TBC1D9: variants seen among roughly 807,000 people sequenced by gnomAD.
TBC1D9 encodes TBC1 domain family member 9.
TBC1D9 carries 63 observed loss-of-function variants against 132.0 expected under a neutral mutation model. The observed-to-expected ratio is 0.48, with a 90% CI of 0.39 to 0.59. TBC1D9 has a LOEUF of 0.59. Ranked by LOEUF, TBC1D9 falls within the 20% of genes least tolerant of loss-of-function variation. The pLI is 0.00. For synonymous variants in TBC1D9, 610 were observed against 609.9 expected (o/e 1.00, Z 0.00); for missense variants, 1,261 against 1,592.7 (o/e 0.79, Z 3.54).
rs1737052280 is a variant in TBC1D9 at position 140,643,806 on chromosome 4, G to T, written c.2338-4378C>A. The T allele has an allele frequency of 5.1e-6, 4 of 790,142 alleles. No homozygotes were observed. The Admixed American group carries it at 8.4e-5, about 17-fold the overall frequency. The allele number at this position is 790,142 out of a possible 1,614,324, so 48.9% of individuals were successfully genotyped here. ...GGGCTCGGTGCAGCCCTGCCCGGTG[G>T]CACTCAGCGCCTGGGCCTCCAACGG... On this transcript the variant is annotated intron_variant, in intron 13 of 20. Transcript: ENST00000442267.
At chr4:140,647,660 T>C (rs947087434) in intron 13 of TBC1D9, among the ~76,000 whole-genome samples, 8 of 152,204 alleles carry the variant, frequency 5.3e-5, no homozygotes, top group African/African-American at 1.9e-4. Flanking sequence ...AAGCCTGACA[T>C]TCAAAGAGCC....
chr4:140,687,335 G>GTCATA (rs1737796401), intron 2 of TBC1D9, among the ~76,000 whole-genome samples: 1 of 117,392 alleles, frequency 8.5e-6, no homozygotes, highest in African/African-American at 3.0e-5. Context: ...GTGTGTGTGT[G>GTCATA]TGTGTGTCAT....
At chr4:140,632,238 TCTC>T (rs1243751601) in intron 16 of TBC1D9, among the ~76,000 whole-genome samples, 2 of 147,024 alleles carry the variant, frequency 1.4e-5, no homozygotes, top group Non-Finnish European at 3.0e-5. Context: ...GTCTCTTTTT[TCTC>T]CTCTTTATTT....
At chr4:140,650,487 C>T (rs547685763) in intron 13 of TBC1D9, among the ~76,000 whole-genome samples, 20 of 152,270 alleles carry the variant, frequency 1.3e-4, no homozygotes, top group South Asian at 2.1e-4. Context: ...TGATGAGCGA[C>T]GCCACAGTCA....
intron 2 of TBC1D9, among the ~76,000 whole-genome samples, chr4:140,689,695 T>C (rs1158733341): frequency 3.5e-5 from 1 of 28,852 alleles, no homozygotes; most frequent in Non-Finnish European, 6.2e-5. Flanking sequence ...CTCCCTTCCC[T>C]TCCCCTCCCC....
chr4:140,752,492 G>T (rs1442538305), intron 1 of TBC1D9, among the ~76,000 whole-genome samples: 1 of 152,124 alleles, frequency 6.6e-6, no homozygotes, highest in Non-Finnish European at 1.5e-5. Flanking sequence ...ACAATGATTG[G>T]CTGAGAATCA....
At chr4:140,716,355 G>A (rs552710320) in intron 1 of TBC1D9, among the ~76,000 whole-genome samples, 1 of 151,940 alleles carries the variant, frequency 6.6e-6, no homozygotes, top group South Asian at 2.1e-4. Context: ...GCTGGGTGTA[G>A]TGGAGCTTGC....
chr4:140,668,532 T>G (rs113862072), intron 9 of TBC1D9, among the ~76,000 whole-genome samples: 314 of 152,336 alleles, frequency 2.1e-3, no homozygotes, highest in African/African-American at 7.1e-3. Context: ...ATGACTGCTC[T>G]GAGGAAGTGT....
At chr4:140,688,880 A>G (rs1051415292) in intron 2 of TBC1D9, among the ~76,000 whole-genome samples, 1 of 152,218 alleles carries the variant, frequency 6.6e-6, no homozygotes, top group African/African-American at 2.4e-5. Context: ...AATTTTAAAT[A>G]CTAACTGGAA....
intron 2 of TBC1D9, among the ~76,000 whole-genome samples, chr4:140,699,838 G>A (rs183219394): frequency 3.3e-5 from 5 of 152,322 alleles, no homozygotes; most frequent in African/African-American, 1.2e-4. Flanking sequence ...GTTAATAATA[G>A]AGGAAACTCT....
At chr4:140,637,410 C>A (rs1208541068) in intron 15 of TBC1D9, among the ~76,000 whole-genome samples, 2 of 151,992 alleles carry the variant, frequency 1.3e-5, no homozygotes, top group Non-Finnish European at 2.9e-5. Flanking sequence ...GACTTCTGTA[C>A]AGCCAGCCCT....
At chr4:140,720,044 T>G (rs898704111) in intron 1 of TBC1D9, among the ~76,000 whole-genome samples, 3 of 152,090 alleles carry the variant, frequency 2.0e-5, no homozygotes, top group Non-Finnish European at 4.4e-5. Context: ...TAATGAGGAT[T>G]AAAGGAAATA....
intron 13 of TBC1D9, among the ~76,000 whole-genome samples, chr4:140,650,609 T>C (rs1179518127): frequency 6.6e-6 from 1 of 152,214 alleles, no homozygotes; most frequent in Non-Finnish European, 1.5e-5. Flanking sequence ...CTTGGCTCAC[T>C]GCAATCTCCG....
intron 1 of TBC1D9, among the ~76,000 whole-genome samples, chr4:140,742,514 A>T (rs1738774531): frequency 7.2e-6 from 1 of 139,786 alleles, no homozygotes. Context: ...CCTGGGCAAC[A>T]GAGTGAGACT....
intron 9 of TBC1D9, among the ~76,000 whole-genome samples, chr4:140,662,362 A>G (rs986403934): frequency 5.9e-5 from 9 of 152,204 alleles, no homozygotes; most frequent in African/African-American, 2.2e-4. Flanking sequence ...CCCAAGCTAC[A>G]AAACCATGCT....
At position 140,712,916 on chromosome 4, in the gene TBC1D9, T is replaced by C. The variant is rs557170363; in HGVS notation, c.131-11302A>G. ...GCAAATGAACTGGGGAGGAAGAAAG[T>C]TTTTATTTCTGCAACCGGTTACAGG... is the stretch of plus-strand genomic sequence containing the variant. On this transcript the variant is annotated intron_variant, in intron 1 of 20. Coordinates refer to ENST00000442267, the MANE Select transcript of TBC1D9 (RefSeq NM_015130.3). Among the ~76,000 whole-genome samples the C allele has an allele frequency of 1.2e-4, 18 of 152,122 alleles. No homozygotes were observed. The East Asian group carries it at 2.5e-3, about 21-fold the overall frequency.
At position 140,678,154 on chromosome 4, in the gene TBC1D9, T is replaced by G. The variant is rs536716519; in HGVS notation, c.851+788A>C. ...TAGCAGCATCTATCTTACACTGCTCTTTTGAACATGTCTCAAATCACCAAG... is the reference window on the plus strand; with the variant it reads ...TAGCAGCATCTATCTTACACTGCTCGTTTGAACATGTCTCAAATCACCAAG... On this transcript the variant is annotated intron_variant, in intron 5 of 20. Coordinates refer to ENST00000442267, the MANE Select transcript of TBC1D9 (RefSeq NM_015130.3). 5.3e-5 allele frequency among the ~76,000 whole-genome samples: 8 copies of G among 152,358 alleles called. No homozygotes were observed. The East Asian group carries it at 1.4e-3, about 26-fold the overall frequency.
chr4:140,657,123 A>C lies in TBC1D9; in HGVS notation c.2311T>G (p.Phe771Val). The C allele has an allele frequency of 6.2e-7, 1 of 1,613,954 alleles. No individual in the cohort carries two copies. The highest frequency in any genetic ancestry group is 8.5e-7 in the Non-Finnish European group (1 of 1,179,862). The change falls in exon 13 of 21, where the codon TTT becomes GTT. Residue 771 changes from phenylalanine (F) to valine (V), a missense_variant. Around this residue, in one of 3 missense-constraint regions of TBC1D9, gnomAD observed 618 missense variants for 724.4 expected, o/e 0.85. Coordinates refer to ENST00000442267, the MANE Select transcript of TBC1D9 (RefSeq NM_015130.3). Reference sequence around the variant, plus strand: ...TCGTAGGAAGTTCTGATGAGTCTAAAGATGTCTACCTCAGGGTAAGGTTCC... The same window carrying C: ...TCGTAGGAAGTTCTGATGAGTCTAACGATGTCTACCTCAGGGTAAGGTTCC... The part of the protein sequence containing the change: ...DVEPYPEVDI[F>V]RLIRTSYEKF...
chr4:140,660,744 CT>C (rs1737343728), intron 10 of TBC1D9, among the ~76,000 whole-genome samples: 2 of 152,006 alleles, frequency 1.3e-5, no homozygotes, highest in African/African-American at 4.8e-5. Flanking sequence ...GTTAACTAGT[CT>C]ATGTGGGGGG....
Sources: allele counts gnomAD v4.1 joint callset (sites outside exome capture counted in the v4.1 genomes callset), GRCh38; gene constraint gnomAD v4.1.1; regional missense constraint gnomAD v4.1.1; transcripts MANE v1.5; gene names NCBI Gene and HGNC (gene_info 2026-07-23, HGNC 2026-07-21).